SOCS5: variants seen among roughly 807,000 people sequenced by gnomAD.
SOCS5 encodes the protein suppressor of cytokine signaling 5.
In SOCS5, 32 loss-of-function variants were observed where a neutral mutation model predicts 42.8. That is an observed-to-expected ratio of 0.75 (90% CI 0.56 to 1.01). SOCS5 has a LOEUF of 1.01. SOCS5 is among the 50% of genes least tolerant of loss of function. The pLI, the probability that SOCS5 is intolerant of heterozygous loss-of-function variation, is 0.00. For missense variants in SOCS5, 627 were observed against 653.0 expected (o/e 0.96, Z 0.43); for synonymous variants, 283 against 229.6 (o/e 1.23, Z -2.10).
intron 1 of SOCS5, among the ~76,000 whole-genome samples, chr2:46,725,081 T>C (rs957389152): frequency 6.6e-6 from 1 of 152,146 alleles, no homozygotes; most frequent in African/African-American, 2.4e-5. Flanking sequence ...TTATATTTTC[T>C]TGGTGAATTG....
rs41449746 is a variant in SOCS5, at chr2:46,761,370, G to T, written c.*1229G>T. ...CTAGACATTTTGCACTAAAGTAGCC[G>T]AATCCACTCTCATGTCTTTTCGTTA... On this transcript the variant is annotated 3_prime_UTR_variant, in exon 2 of 2. Coordinates refer to ENST00000394861, the MANE Select transcript of SOCS5 (RefSeq NM_144949.3). 6.0e-6 allele frequency: 1 copy of T among 167,074 alleles called. No individual in the cohort carries two copies. The highest frequency in any genetic ancestry group is 1.5e-5 in the Non-Finnish European group (1 of 68,126). The allele number at this position is 167,074 out of a possible 1,614,324, so 10.3% of individuals were successfully genotyped here. A position where few individuals can be genotyped will look rare whatever the true frequency, so the allele number is the denominator to read the frequency against.
intron 1 of SOCS5, among the ~76,000 whole-genome samples, chr2:46,740,698 C>T (rs1673353781): frequency 6.6e-6 from 1 of 151,826 alleles, no homozygotes; most frequent in African/African-American, 2.4e-5. Context: ...TGCTGGGTCC[C>T]AGTAAGAACC....
Position 46,751,726 on chromosome 2 carries a change from A to G in SOCS5, c.-12-6793A>G, listed in dbSNP as rs185992868. Among the ~76,000 whole-genome samples the G allele has an allele frequency of 3.9e-5, 6 of 152,122 alleles. No homozygotes were observed. In the East Asian group the frequency reaches 5.8e-4, roughly 15 times the overall value. On this transcript the variant is annotated intron_variant, in intron 1 of 1. Coordinates refer to ENST00000394861, the MANE Select transcript of SOCS5 (RefSeq NM_144949.3). ...GATAATCTTAGAGTATTGATCTTCA[A>G]ACTGTTCCATAGAATGACTGTTAGA...
intron 1 of SOCS5, among the ~76,000 whole-genome samples, chr2:46,729,621 C>G (rs547563245): frequency 1.8e-4 from 27 of 152,194 alleles, no homozygotes; most frequent in African/African-American, 6.3e-4. Context: ...AAATGGCACA[C>G]CTGTATAGGG....
intron 1 of SOCS5, among the ~76,000 whole-genome samples, chr2:46,709,902 T>A (rs984996628): frequency 2.6e-5 from 4 of 152,224 alleles, no homozygotes; most frequent in Non-Finnish European, 5.9e-5. Context: ...CCTTACATAC[T>A]TCTATAACAG....
rs769215614 is a variant in SOCS5 at position 46,759,938 on chromosome 2, C to G, written c.1408C>G (p.Pro470Ala). 1.2e-6 allele frequency: 2 copies of G among 1,614,092 alleles called. No homozygotes were observed. Among genetic ancestry groups the G allele is most frequent in the Non-Finnish European group, 8.5e-7 (1 of 1,179,988 alleles). ...KDPSSCMFFE[P>A]LLTISLNRTF... ...TCCCAGTTCGTGCATGTTTTTTGAA[C>G]CATTGCTTACTATATCACTAAATAG... Residue 470 changes from proline to alanine, a missense_variant, in exon 2 of 2, where the codon CCA becomes GCA. Transcript: ENST00000394861.
intron 1 of SOCS5, among the ~76,000 whole-genome samples, chr2:46,744,807 C>T (rs932877549): frequency 1.3e-5 from 2 of 151,784 alleles, no homozygotes; most frequent in Admixed American, 1.3e-4. Flanking sequence ...GGCTCACATG[C>T]GTGAGCCACC....
intron 1 of SOCS5, among the ~76,000 whole-genome samples, chr2:46,750,485 C>G (rs1341710025): frequency 2.6e-5 from 4 of 151,772 alleles, no homozygotes; most frequent in South Asian, 4.1e-4. Flanking sequence ...TAAAAATGGA[C>G]CACTATATTA....
chr2:46,760,217 G>A lies in SOCS5; in HGVS notation c.*76G>A. On this transcript the variant is annotated 3_prime_UTR_variant, in exon 2 of 2. Transcript: ENST00000394861. ...GACAGTACACCTATAGCAAGCACAC[G>A]TAGCAGTGTTAGGCTTTTTCATACA... is the stretch of plus-strand genomic sequence containing the variant. 1 of 1,083,240 alleles carries A rather than the reference G, an allele frequency of 9.2e-7. No homozygotes were observed. 67.1% of individuals were successfully genotyped at this position (1,083,240 alleles called of 1,614,324 possible).
intron 1 of SOCS5, among the ~76,000 whole-genome samples, chr2:46,731,815 A>G (rs962457564): frequency 3.9e-5 from 6 of 152,252 alleles, no homozygotes; most frequent in Non-Finnish European, 7.3e-5. Context: ...AATAAAAATG[A>G]TAGCACCATT....
At chr2:46,727,972 C>T (rs981352381) in intron 1 of SOCS5, among the ~76,000 whole-genome samples, 1 of 152,132 alleles carries the variant, frequency 6.6e-6, no homozygotes, top group Non-Finnish European at 1.5e-5. Context: ...GTTGCCTACT[C>T]TCTTGAAACA....
chr2:46,758,511 G>T lies in SOCS5; in HGVS notation c.-12-8G>T, dbSNP rs765927090. On this transcript the variant is annotated splice_polypyrimidine_tract_variant and splice_region_variant and intron_variant, in intron 1 of 1. Coordinates refer to ENST00000394861, the MANE Select transcript of SOCS5 (RefSeq NM_144949.3). Reference sequence around the variant, plus strand: ...TTTATTTTTCTCTTTTTGCTGTTTTGTCTTTAGATTTTATAATCAATGGAT... The same window carrying T: ...TTTATTTTTCTCTTTTTGCTGTTTTTTCTTTAGATTTTATAATCAATGGAT... 8 of 1,554,220 alleles carry T rather than the reference G, an allele frequency of 5.1e-6. No homozygotes were observed. Among genetic ancestry groups the T allele is most frequent in the Non-Finnish European group, 7.0e-6 (8 of 1,148,810 alleles).
rs772841848 is a variant in SOCS5 at position 46,758,990 on chromosome 2, A to G, written c.460A>G (p.Arg154Gly). 1.9e-6 allele frequency: 3 copies of G among 1,613,972 alleles called. No individual in the cohort carries two copies. Among genetic ancestry groups the G allele is most frequent in the Non-Finnish European group, 2.5e-6 (3 of 1,179,836 alleles). The part of the protein sequence containing the change: ...RTRSGLQRRE[R>G]RYGVSSVHDM... ...TCGAAGTGGACTTCAAAGGAGAGAG[A>G]GGCGCTACGGCGTAAGTTCTGTACA... The change falls in exon 2 of 2, where the codon AGG becomes GGG. Residue 154 changes from arginine (R) to glycine (G), a missense_variant. By Grantham distance (125) the Arg-to-Gly change is moderately radical. This residue lies in a region of SOCS5 where 278 missense variants were observed against 246.3 expected (regional missense o/e 1.13). Transcript: ENST00000394861.
At chr2:46,735,315 A>C (rs1673219255) in intron 1 of SOCS5, among the ~76,000 whole-genome samples, 1 of 152,150 alleles carries the variant, frequency 6.6e-6, no homozygotes, top group South Asian at 2.1e-4. Context: ...AGTATGGAAG[A>C]AAAAAGAGAC....
At chr2:46,716,367 A>ATTTTTT (rs35187667) in intron 1 of SOCS5, among the ~76,000 whole-genome samples, 80 of 17,040 alleles carry the variant, frequency 4.7e-3, no homozygotes, top group Non-Finnish European at 7.7e-3. Flanking sequence ...GAGTGTCTTC[A>ATTTTTT]TTTTTTTTTT....
chr2:46,743,917 C>G (rs1462420137), intron 1 of SOCS5, among the ~76,000 whole-genome samples: 1 of 152,006 alleles, frequency 6.6e-6, no homozygotes. Flanking sequence ...TAAAGAGAAA[C>G]CTTGGCAGTA....
chr2:46,715,841 G>T (rs1672726636), intron 1 of SOCS5, among the ~76,000 whole-genome samples: 1 of 152,024 alleles, frequency 6.6e-6, no homozygotes, highest in African/African-American at 2.4e-5. Context: ...CATCACATTT[G>T]TAAAATTTTT....
At chr2:46,735,069 C>G (rs920884592) in intron 1 of SOCS5, among the ~76,000 whole-genome samples, 2 of 152,216 alleles carry the variant, frequency 1.3e-5, no homozygotes, top group Non-Finnish European at 2.9e-5. Flanking sequence ...CGAAGCCTTT[C>G]CTGATCCCCT....
intron 1 of SOCS5, among the ~76,000 whole-genome samples, chr2:46,724,474 A>G (rs1334058565): frequency 6.6e-6 from 1 of 151,860 alleles, no homozygotes; most frequent in East Asian, 1.9e-4. Flanking sequence ...CAGTTAGATT[A>G]CTGATTTGAT....
Sources: gnomAD v4.1 joint callset for allele counts (sites outside exome capture counted in the v4.1 genomes callset) on GRCh38, gnomAD v4.1.1 for gene constraint, gnomAD v4.1.1 regional missense constraint, MANE v1.5 for transcripts, NCBI Gene and HGNC (gene_info 2026-07-23, HGNC 2026-07-21) for gene names.